The following MYRIP variants were observed in gnomAD, a reference collection of about 807,000 sequenced individuals.
MYRIP encodes myosin VIIA and Rab interacting protein, also known as rab effector MyRIP.
In MYRIP, 49 loss-of-function variants were observed where a neutral mutation model predicts 98.0. That is an observed-to-expected ratio of 0.50 (90% CI 0.40 to 0.63). The LOEUF (loss-of-function observed/expected upper bound fraction) is 0.63, where lower values mean the gene tolerates loss of function less well. Among genes scored for constraint, MYRIP ranks in the 30% least tolerant of loss-of-function variants. The pLI is 0.00. For missense variants in MYRIP, 1,004 were observed against 1,058.2 expected (o/e 0.95, Z 0.71); for synonymous variants, 404 against 409.5 (o/e 0.99, Z 0.16).
At chr3:40,147,811 A>G (rs1254012905) in intron 3 of MYRIP, among the ~76,000 whole-genome samples, 1 of 152,138 alleles carries the variant, frequency 6.6e-6, no homozygotes, top group Non-Finnish European at 1.5e-5. Flanking sequence ...TAGATTCTTA[A>G]TTATATACTT....
chr3:40,227,387 ACT>A (rs139915991), intron 11 of MYRIP, among the ~76,000 whole-genome samples: 12 of 142,912 alleles, frequency 8.4e-5, no homozygotes, highest in African/African-American at 1.0e-4. Flanking sequence ...ATGGAAATGT[ACT>A]CTCTCTCTCT....
chr3:39,966,115 C>T (rs1342751092), intron 2 of MYRIP, among the ~76,000 whole-genome samples: 2 of 152,106 alleles, frequency 1.3e-5, no homozygotes, highest in Non-Finnish European at 2.9e-5. Context: ...ACACCCCAGC[C>T]TGTTCTGTCT....
chr3:39,896,860 GT>G (rs200380330), intron 1 of MYRIP, among the ~76,000 whole-genome samples: 11 of 144,598 alleles, frequency 7.6e-5, no homozygotes, highest in East Asian at 2.0e-4. Flanking sequence ...CTCTGTTTTT[GT>G]TTTTTTTTTC....
chr3:39,976,340 A>G (rs1294609401), intron 2 of MYRIP, among the ~76,000 whole-genome samples: 1 of 152,254 alleles, frequency 6.6e-6, no homozygotes, highest in Non-Finnish European at 1.5e-5. Context: ...CAAAACCACA[A>G]TGAGAGACCA....
chr3:40,130,908 C>A (rs547614173), intron 3 of MYRIP, among the ~76,000 whole-genome samples: 1 of 152,250 alleles, frequency 6.6e-6, no homozygotes, highest in South Asian at 2.1e-4. Context: ...CTCATCCAAG[C>A]CCAGAAACAT....
intron 4 of MYRIP, among the ~76,000 whole-genome samples, chr3:40,158,577 T>C (rs1950300327): frequency 6.6e-6 from 1 of 152,182 alleles, no homozygotes; most frequent in Admixed American, 6.5e-5. Context: ...CGTTGATCTG[T>C]CTAATGTTGA....
intron 10 of MYRIP, among the ~76,000 whole-genome samples, chr3:40,205,092 T>C (rs1215774761): frequency 2.0e-5 from 3 of 152,132 alleles, no homozygotes; most frequent in African/African-American, 4.8e-5. Flanking sequence ...GAGCCCCCCT[T>C]CGGCCTCCCT....
intron 1 of MYRIP, among the ~76,000 whole-genome samples, chr3:39,893,782 A>G (rs1466846508): frequency 6.6e-6 from 1 of 152,058 alleles, no homozygotes; most frequent in East Asian, 1.9e-4. Flanking sequence ...TATAATTTTT[A>G]TTTATAAATA....
intron 1 of MYRIP, among the ~76,000 whole-genome samples, chr3:39,882,138 G>A (rs2125645979): frequency 6.6e-6 from 1 of 151,866 alleles, no homozygotes; most frequent in African/African-American, 2.4e-5. Context: ...CTTTTTTTTA[G>A]TGAGCTGTAG....
chr3:40,242,450 C>T (rs1953051062), intron 12 of MYRIP: 2 of 150,796 alleles, frequency 1.3e-5, no homozygotes, highest in African/African-American at 4.9e-5. Flanking sequence ...ACATTCTGGC[C>T]TTGCTGAGGG....
At chr3:39,860,678 C>T (rs950914261) in intron 1 of MYRIP, among the ~76,000 whole-genome samples, 4 of 152,152 alleles carry the variant, frequency 2.6e-5, no homozygotes, top group African/African-American at 2.4e-5. Flanking sequence ...AGCAAAGTGG[C>T]CCTTTCTGAA....
chr3:40,231,915 C>T (rs965364617), intron 11 of MYRIP, among the ~76,000 whole-genome samples: 1 of 152,158 alleles, frequency 6.6e-6, no homozygotes, highest in African/African-American at 2.4e-5. Context: ...TACAATGTTG[C>T]CCTTTCTAAA....
intron 2 of MYRIP, among the ~76,000 whole-genome samples, chr3:39,946,921 G>A (rs1318858368): frequency 6.6e-6 from 1 of 152,120 alleles, no homozygotes; most frequent in Non-Finnish European, 1.5e-5. Context: ...TAAACAAGAA[G>A]GTTGGAGTGG....
intron 1 of MYRIP, among the ~76,000 whole-genome samples, chr3:39,887,054 T>C (rs1943325727): frequency 2.6e-5 from 4 of 151,764 alleles, no homozygotes; most frequent in Admixed American, 2.6e-4. Context: ...ACCACTCAAC[T>C]ACATGGAAAC....
intron 2 of MYRIP, among the ~76,000 whole-genome samples, chr3:39,961,492 C>A (rs757514304): frequency 6.6e-6 from 1 of 152,042 alleles, no homozygotes; most frequent in Non-Finnish European, 1.5e-5. Context: ...CCACGATTTG[C>A]GAGTCCCATT....
intron 3 of MYRIP, among the ~76,000 whole-genome samples, chr3:40,104,905 A>G (rs1216143103): frequency 2.6e-5 from 4 of 152,200 alleles, no homozygotes; most frequent in Non-Finnish European, 5.9e-5. Context: ...GACTTGTTCT[A>G]AAAAGCCTTT....
At chr3:40,086,553 G>A (rs766489247) in intron 3 of MYRIP, among the ~76,000 whole-genome samples, 8 of 152,308 alleles carry the variant, frequency 5.3e-5, no homozygotes, top group African/African-American at 1.2e-4. Context: ...CAGGACATGC[G>A]GTGTGAGCTG....
rs1476781758 is a variant in MYRIP at position 40,233,877 on chromosome 3, C to G, written c.1924C>G (p.Leu642Val). The stretch of plus-strand genomic sequence containing the variant: ...CAAACAGAAGTTTTCTGCTGTTTCT[C>G]TCTGCAACATCTCCACAGAAGTCCT... The part of the protein sequence containing the change: ...ELKKKFSAVS[L>V]CNISTEVLKV... The change falls in exon 12 of 17, where the codon CTC becomes GTC. Residue 642 changes from leucine (L) to valine (V), a missense_variant. By Grantham distance (32) the Leu-to-Val change is conservative. Around this residue, in one of 3 missense-constraint regions of MYRIP, gnomAD observed 880 missense variants for 907.7 expected, o/e 0.97. Coordinates refer to ENST00000302541, the MANE Select transcript of MYRIP (RefSeq NM_015460.4). 1 of 1,613,042 alleles carries G rather than the reference C, an allele frequency of 6.2e-7. No individual in the cohort carries two copies.
At chr3:39,969,620 A>T (rs1945527978) in intron 2 of MYRIP, among the ~76,000 whole-genome samples, 1 of 152,200 alleles carries the variant, frequency 6.6e-6, no homozygotes, top group Non-Finnish European at 1.5e-5. Context: ...GTGATGAATC[A>T]CATGTAATGA....
Sources: gnomAD v4.1 joint callset for allele counts (sites outside exome capture counted in the v4.1 genomes callset) on GRCh38, gnomAD v4.1.1 for gene constraint, gnomAD v4.1.1 regional missense constraint, MANE v1.5 for transcripts, NCBI Gene and HGNC (gene_info 2026-07-23, HGNC 2026-07-21) for gene names.